Variants in ADAMTS2 observed in about 807,000 individuals in gnomAD.
ADAMTS2 encodes the protein A disintegrin and metalloproteinase with thrombospondin motifs 2.
ADAMTS2 carries 50 observed loss-of-function variants against 123.0 expected under a neutral mutation model. The ratio of observed to expected loss-of-function variants is 0.41; its 90% CI spans 0.32 to 0.51. The LOEUF (loss-of-function observed/expected upper bound fraction) is 0.51. Among genes scored for constraint, ADAMTS2 ranks in the 20% least tolerant of loss-of-function variants. The pLI is 0.35. For synonymous variants in ADAMTS2, 678 were observed against 695.4 expected (o/e 0.98, Z 0.39); for missense variants, 1,494 against 1,705.2 (o/e 0.88, Z 2.18).
chr5:179,177,283 GT>G (rs1763954422), intron 5 of ADAMTS2, among the ~76,000 whole-genome samples: 1 of 152,194 alleles, frequency 6.6e-6, no homozygotes, highest in Non-Finnish European at 1.5e-5. Context: ...CACGGTAGAA[GT>G]TTCTCTTTAT....
At chr5:179,164,687 G>T (rs556824779) in intron 5 of ADAMTS2, among the ~76,000 whole-genome samples, 46 of 152,326 alleles carry the variant, frequency 3.0e-4, no homozygotes, top group African/African-American at 1.1e-3. Flanking sequence ...TCCCACTTCT[G>T]GGGGTGCAGC....
chr5:179,306,916 G>T lies in ADAMTS2; in HGVS notation c.535-33852C>A, dbSNP rs574146821. ...GGACATGGCTCTTATTCCAGGACCA[G>T]GCCTGACAGGAGCACAGCCTGAGGG... On this transcript the variant is annotated intron_variant, in intron 2 of 21. Transcript: ENST00000251582. 1.1e-4 allele frequency among the ~76,000 whole-genome samples: 16 copies of T among 152,296 alleles called. No homozygotes were observed. The East Asian group carries it at 2.7e-3, about 26-fold the overall frequency.
intron 20 of ADAMTS2, 116 bp downstream of exon 20, chr5:179,122,528 A>G (rs542334135): frequency 7.0e-7 from 1 of 1,419,710 alleles, no homozygotes; most frequent in Non-Finnish European, 9.5e-7. Flanking sequence ...ATGCTCACAG[A>G]TGTTGAGTCC....
At chr5:179,342,494 G>A (rs1255248212) in intron 2 of ADAMTS2, among the ~76,000 whole-genome samples, 2 of 152,258 alleles carry the variant, frequency 1.3e-5, no homozygotes, top group African/African-American at 4.8e-5. Flanking sequence ...AAAGCAACAA[G>A]TGATATTTTC....
At position 179,132,310 on chromosome 5, in the gene ADAMTS2, C is replaced by T. The variant is rs868326222; in HGVS notation, c.2210G>A (p.Gly737Asp). The T allele has an allele frequency of 3.1e-6, 5 of 1,614,048 alleles. No individual in the cohort carries two copies. The Middle Eastern group carries it at 6.6e-4, about 213-fold the overall frequency. The change falls in exon 15 of 22, where the codon GGT becomes GAT. Residue 737 changes from glycine to aspartate, a missense_variant and splice_region_variant. Physicochemically the swap from Gly to Asp is moderately conservative, Grantham distance 94 (BLOSUM62 -1). This residue lies in a region of ADAMTS2 where 953 missense variants were observed against 1,124.7 expected (regional missense o/e 0.85). Transcript: ENST00000251582. The surrounding 1 kb of genome is among the most constrained non-coding windows in gnomAD (Gnocchi z 6.1). ...AGGGATCTCAAACATCTTGATGTAACCTTTTTTTGATGTGGAAAGACACAG... is the reference window on the plus strand; with the variant it reads ...AGGGATCTCAAACATCTTGATGTAATCTTTTTTTGATGTGGAAAGACACAG... Reference protein sequence around the residue: ...GTFTRSPKKHGYIKMFEIPAG... With the variant: ...GTFTRSPKKHDYIKMFEIPAG...
chr5:179,335,868 C>T (rs768722426), intron 2 of ADAMTS2, among the ~76,000 whole-genome samples: 1 of 152,250 alleles, frequency 6.6e-6, no homozygotes, highest in Non-Finnish European at 1.5e-5. Flanking sequence ...AGAGCCTCCA[C>T]GCCCTCTCTG....
chr5:179,207,645 C>G lies in ADAMTS2; in HGVS notation c.759G>C (p.Ser253=), dbSNP rs374180760. 1.9e-6 allele frequency: 3 copies of G among 1,613,628 alleles called. No homozygotes were observed. Among genetic ancestry groups the G allele is most frequent in the African/African-American group, 2.7e-5 (2 of 74,942 alleles). The change falls in exon 4 of 22, where the codon TCG becomes TCC. Residue 253 remains serine, a synonymous_variant. Transcript: ENST00000251582. ...CAGCATGCCTGCGTGCCCTCCGCCT[C>G]GAGCTGTTGGCGTGCTCCTCTAGGA... ...LGVLEEHANS[S]RRRARRHAAD...
At position 179,132,190 on chromosome 5, in the gene ADAMTS2, A is replaced by T. The variant is rs1406039101; in HGVS notation, c.2290+40T>A. The T allele has an allele frequency of 6.3e-7, 1 of 1,591,860 alleles. No homozygotes were observed. The highest frequency in any genetic ancestry group is 8.6e-7 in the Non-Finnish European group (1 of 1,161,218). On this transcript the variant is annotated intron_variant, in intron 15 of 21. Transcript: ENST00000251582. This position sits in a 1 kb window ranked among gnomAD's most constrained non-coding sequence, Gnocchi z 6.1. ...TCTGCCCATTGATCCCAGAGGAGCC[A>T]GGTCCTGAGGACGTCAAGTTGTCCG...
chr5:179,237,699 G>A (rs550576862), intron 3 of ADAMTS2, among the ~76,000 whole-genome samples: 1 of 152,282 alleles, frequency 6.6e-6, no homozygotes, highest in South Asian at 2.1e-4. Context: ...AGGAGACGGG[G>A]CCTGATGAGG....
At chr5:179,125,951 C>T (rs766405379) in intron 18 of ADAMTS2, 47 bp downstream of exon 18, 3 of 1,611,520 alleles carry the variant, frequency 1.9e-6, no homozygotes, top group East Asian at 4.5e-5. Flanking sequence ...CCCCTGGTGG[C>T]CCCTGGCCTG....
At chr5:179,169,819 C>T (rs1316371463) in intron 5 of ADAMTS2, among the ~76,000 whole-genome samples, 1 of 152,250 alleles carries the variant, frequency 6.6e-6, no homozygotes, top group Non-Finnish European at 1.5e-5. Context: ...TTTCTCAGAC[C>T]TTTCACCTCC....
In ADAMTS2 at chr5:179,307,941, G is replaced by C. The variant is rs998746736; in HGVS notation, c.535-34877C>G. On this transcript the variant is annotated intron_variant, in intron 2 of 21. Transcript: ENST00000251582. This position sits in a 1 kb window ranked among gnomAD's most constrained non-coding sequence, Gnocchi z 5.6. Reference sequence around the variant, plus strand: ...TGGGTCACTCTCTGCCCCCTGACCAGGGATCTTACGAGAGCAAAGTTGTCC... The same window carrying C: ...TGGGTCACTCTCTGCCCCCTGACCACGGATCTTACGAGAGCAAAGTTGTCC... Among the ~76,000 whole-genome samples the C allele has an allele frequency of 6.6e-6, 1 of 152,170 alleles. No homozygotes were observed. Among genetic ancestry groups the C allele is most frequent in the Non-Finnish European group, 1.5e-5 (1 of 68,022 alleles).
chr5:179,296,829 G>A (rs1450932156), intron 2 of ADAMTS2, among the ~76,000 whole-genome samples: 1 of 152,094 alleles, frequency 6.6e-6, no homozygotes, highest in African/African-American at 2.4e-5. Flanking sequence ...ACGGGCCACT[G>A]GTATCACTAA....
At chr5:179,302,555 G>A (rs1292577058) in intron 2 of ADAMTS2, among the ~76,000 whole-genome samples, 1 of 151,978 alleles carries the variant, frequency 6.6e-6, no homozygotes, top group Non-Finnish European at 1.5e-5. Flanking sequence ...CCTCCACCTT[G>A]CCAGCAGCAC....
At chr5:179,235,417 T>C (rs971715654) in intron 3 of ADAMTS2, among the ~76,000 whole-genome samples, 1 of 152,196 alleles carries the variant, frequency 6.6e-6, no homozygotes, top group Non-Finnish European at 1.5e-5. Flanking sequence ...TTCACACCAA[T>C]GGAGCCAGAT....
At position 179,154,146 on chromosome 5, in the gene ADAMTS2, C is replaced by A. The variant is rs771190677; in HGVS notation, c.1285G>T (p.Val429Leu). Reference sequence around the variant, plus strand: ...GGCGCCATGATGCTGCCCAGCCGCACCTCGTCGCCACAGCGGTTGCCCTGC... The same window carrying A: ...GGCGCCATGATGCTGCCCAGCCGCAACTCGTCGCCACAGCGGTTGCCCTGC... ...DGQGNRCGDEVRLGSIMAPLV... is the reference protein window; with the variant it reads ...DGQGNRCGDELRLGSIMAPLV... The change falls in exon 8 of 22, where the codon GTG becomes TTG. Residue 429 changes from valine (V) to leucine (L), a missense_variant. This residue lies in a region of ADAMTS2 where 953 missense variants were observed against 1,124.7 expected (regional missense o/e 0.85). Transcript: ENST00000251582. 1.3e-6 allele frequency: 2 copies of A among 1,582,084 alleles called. No individual in the cohort carries two copies. Among genetic ancestry groups the A allele is most frequent in the Non-Finnish European group, 1.7e-6 (2 of 1,170,370 alleles).
At chr5:179,169,649 C>G (rs1763776714) in intron 5 of ADAMTS2, among the ~76,000 whole-genome samples, 1 of 152,166 alleles carries the variant, frequency 6.6e-6, no homozygotes, top group African/African-American at 2.4e-5. Context: ...TCCCCAGGGC[C>G]CTTGATATAT....
At chr5:179,145,576 C>T (rs1763237371) in intron 10 of ADAMTS2, among the ~76,000 whole-genome samples, 1 of 152,196 alleles carries the variant, frequency 6.6e-6, no homozygotes, top group Non-Finnish European at 1.5e-5. Flanking sequence ...GCCCTGTGAA[C>T]ATTATGCCAA....
intron 15 of ADAMTS2, among the ~76,000 whole-genome samples, chr5:179,131,094 C>T (rs1762952641): frequency 6.6e-6 from 1 of 151,818 alleles, no homozygotes; most frequent in African/African-American, 2.4e-5. Flanking sequence ...AGGCGGATCA[C>T]GAGGTCAGGA....
Sources: allele counts gnomAD v4.1 joint callset (sites outside exome capture counted in the v4.1 genomes callset), GRCh38; gene constraint gnomAD v4.1.1; regional missense constraint gnomAD v4.1.1; non-coding constraint Gnocchi (gnomAD v3.1); transcripts MANE v1.5; gene names NCBI Gene and HGNC (gene_info 2026-07-23, HGNC 2026-07-21).